ABCD3: variants seen among roughly 807,000 people sequenced by gnomAD.
ABCD3 encodes the protein ATP binding cassette subfamily D member 3.
A neutral mutation model predicts 105.5 loss-of-function variants in ABCD3; 41 were observed. The observed-to-expected ratio is 0.39, with a 90% confidence interval of 0.30 to 0.50. ABCD3 has a LOEUF of 0.50. Among genes scored for constraint, ABCD3 ranks in the 20% least tolerant of loss-of-function variants. The pLI, the probability that ABCD3 is intolerant of heterozygous loss-of-function variation, is 0.84. For missense variants in ABCD3, 622 were observed against 806.3 expected, an observed-to-expected ratio of 0.77 and a Z score of 2.77; for synonymous variants, 258 against 269.0, an observed-to-expected ratio of 0.96 and a Z score of 0.40.
chr1:94,442,178 C>T (rs1048754593), intron 1 of ABCD3, among the ~76,000 whole-genome samples: 1 of 152,134 alleles, frequency 6.6e-6, no homozygotes, highest in South Asian at 2.1e-4. Flanking sequence ...GTGTATTATT[C>T]TAGCAGATTT....
upstream of ABCD3, among the ~76,000 whole-genome samples, chr1:94,413,438 G>A (rs1024375361): frequency 3.9e-5 from 6 of 152,150 alleles, no homozygotes; most frequent in Non-Finnish European, 8.8e-5. Flanking sequence ...GGAGGAAAAG[G>A]GAGTACATTC....
chr1:94,505,561 A>G (rs893653570), intron 20 of ABCD3, among the ~76,000 whole-genome samples: 6 of 151,996 alleles, frequency 3.9e-5, no homozygotes, highest in African/African-American at 1.2e-4. Context: ...TGAGAGATGC[A>G]TATTGCAAGT....
At position 94,487,804 on chromosome 1, in the gene ABCD3, T is replaced by C. The variant is rs907820192; in HGVS notation, c.1065+13T>C. On this transcript the variant is annotated intron_variant, in intron 12 of 22. Coordinates refer to ENST00000370214, the MANE Select transcript of ABCD3 (RefSeq NM_002858.4). Reference sequence around the variant, plus strand: ...GGAACTTCTAGAGGTAAACTGATGATAATACAATGAAAATGTAACAGTAAA... The same window carrying C: ...GGAACTTCTAGAGGTAAACTGATGACAATACAATGAAAATGTAACAGTAAA... The C allele has an allele frequency of 6.8e-6, 11 of 1,612,758 alleles. No individual in the cohort carries two copies. The African/African-American group carries it at 1.5e-4, about 22-fold the overall frequency.
intron 16 of ABCD3, 47 bp downstream of exon 16, chr1:94,491,294 G>A (rs1649524695): frequency 7.2e-7 from 1 of 1,380,538 alleles, no homozygotes; most frequent in Non-Finnish European, 1.0e-6. Flanking sequence ...TCTTTAAAAT[G>A]TGAACTGAAA....
intron 1 of ABCD3, among the ~76,000 whole-genome samples, chr1:94,436,652 C>G (rs1194896048): frequency 6.6e-6 from 1 of 152,190 alleles, no homozygotes; most frequent in Non-Finnish European, 1.5e-5. Flanking sequence ...AGCATGTGCT[C>G]ACTTCATGTC....
chr1:94,409,260 C>T, the ABCD3 span, among the ~76,000 whole-genome samples: 39 of 152,070 alleles, frequency 2.6e-4, no homozygotes, highest in African/African-American at 8.9e-4. Flanking sequence ...ATGCTTGCAA[C>T]GATGAATACC....
chr1:94,412,329 T>C, the ABCD3 span, among the ~76,000 whole-genome samples: 1 of 152,200 alleles, frequency 6.6e-6, no homozygotes, highest in African/African-American at 2.4e-5. Flanking sequence ...AAAGATATTT[T>C]ATTCATCTAT....
At chr1:94,501,028 G>C (rs187812003) in intron 20 of ABCD3, among the ~76,000 whole-genome samples, 2 of 152,094 alleles carry the variant, frequency 1.3e-5, no homozygotes, top group Admixed American at 6.6e-5. Flanking sequence ...AAATGGACAC[G>C]ACGGAAACTC....
intron 4 of ABCD3, among the ~76,000 whole-genome samples, chr1:94,469,912 G>T (rs551005669): frequency 6.6e-6 from 1 of 151,890 alleles, no homozygotes; most frequent in Admixed American, 6.6e-5. Flanking sequence ...TGGTCCTCCC[G>T]CCTCGGCCTC....
intron 1 of ABCD3, 117 bp from the exon 2 acceptor site, chr1:94,458,490 A>T (rs2147794): frequency 4.6e-6 from 4 of 872,124 alleles, no homozygotes; most frequent in Non-Finnish European, 3.8e-6. Context: ...TCTCACTATG[A>T]TGTGAAAAAG....
chr1:94,491,541 C>T (rs1456168921), intron 16 of ABCD3, among the ~76,000 whole-genome samples: 1 of 152,038 alleles, frequency 6.6e-6, no homozygotes, highest in Non-Finnish European at 1.5e-5. Flanking sequence ...TTTAAACACA[C>T]AAATATAATT....
intron 4 of ABCD3, among the ~76,000 whole-genome samples, chr1:94,471,852 G>A (rs976691661): frequency 2.6e-5 from 4 of 152,060 alleles, no homozygotes; most frequent in African/African-American, 7.2e-5. Context: ...GGTCCTTAAT[G>A]TACTTCATTT....
chr1:94,438,345 A>ACACAC (rs1553168372), intron 1 of ABCD3, among the ~76,000 whole-genome samples: 3 of 108,958 alleles, frequency 2.8e-5, no homozygotes, highest in Admixed American at 2.0e-4. Flanking sequence ...CACACACACA[A>ACACAC]ACTTGAAAGG....
At chr1:94,483,342 C>A (rs550722845) in intron 10 of ABCD3, 103 bp downstream of exon 10, 2 of 813,994 alleles carry the variant, frequency 2.5e-6, no homozygotes, top group African/African-American at 3.4e-5. Flanking sequence ...CAAACACACA[C>A]GTATGTATAC....
chr1:94,419,248 G>C, intron 1 of ABCD3: 1 of 982,178 alleles, frequency 1.0e-6, no homozygotes, highest in Admixed American at 6.1e-5. Flanking sequence ...GGAAAGGCTG[G>C]ATCGGTTCTG....
At chr1:94,429,372 A>G (rs1659588375) in intron 1 of ABCD3, among the ~76,000 whole-genome samples, 1 of 152,232 alleles carries the variant, frequency 6.6e-6, no homozygotes. Context: ...TGCATCAGTA[A>G]CAAGGAGCCA....
intron 1 of ABCD3, among the ~76,000 whole-genome samples, chr1:94,436,699 A>G (rs917904501): frequency 2.6e-5 from 4 of 152,200 alleles, no homozygotes; most frequent in African/African-American, 7.2e-5. Context: ...TGATATTTCA[A>G]ACTTTTTCAT....
rs910180784 is a variant in ABCD3 at position 94,493,089 on chromosome 1, G to A, written c.1386+1842G>A. On this transcript the variant is annotated intron_variant, in intron 16 of 22. Transcript: ENST00000370214. Reference sequence around the variant, plus strand: ...AGCAATGGCAACAAAAGCCAAAATTGACAAATGGGATCTAATTAAACTAAA... The same window carrying A: ...AGCAATGGCAACAAAAGCCAAAATTAACAAATGGGATCTAATTAAACTAAA... Among the ~76,000 whole-genome samples, 77 of 151,796 alleles carry A rather than the reference G, an allele frequency of 5.1e-4. 2 individuals carry two copies. The highest frequency in any genetic ancestry group is 1.9e-4 in the Non-Finnish European group (13 of 67,894).
Position 94,446,372 on chromosome 1 carries a change from G to A in ABCD3, c.111-12235G>A, listed in dbSNP as rs945633325. ...CAGGAGTCTGTGGACCCTTGCCAGC[G>A]GGGACAATAGGATTACTTCTAGGAA... On this transcript the variant is annotated intron_variant, in intron 1 of 22. Coordinates refer to ENST00000370214, the MANE Select transcript of ABCD3 (RefSeq NM_002858.4). Among the ~76,000 whole-genome samples the A allele has an allele frequency of 9.2e-5, 14 of 152,248 alleles. No homozygotes were observed. In the East Asian group the frequency reaches 1.5e-3, roughly 17 times the overall value.
Sources: gnomAD v4.1 joint callset for allele counts (sites outside exome capture counted in the v4.1 genomes callset) on GRCh38, gnomAD v4.1.1 for gene constraint, MANE v1.5 for transcripts, NCBI Gene and HGNC (gene_info 2026-07-23, HGNC 2026-07-21) for gene names.